RUNX1: variants seen among roughly 807,000 people sequenced by gnomAD.
The protein encoded by RUNX1 is runt-related transcription factor 1.
In RUNX1, 19 loss-of-function variants were observed where a neutral mutation model predicts 42.8. The observed-to-expected ratio is 0.44, with a 90% confidence interval of 0.31 to 0.65. The LOEUF (loss-of-function observed/expected upper bound fraction) is 0.65, where lower values mean the gene tolerates loss of function less well. RUNX1 is among the 30% of genes least tolerant of loss of function. RUNX1 has a pLI of 0.07. For missense variants in RUNX1, 528 were observed against 672.0 expected, an observed-to-expected ratio of 0.79 and a Z score of 2.37; for synonymous variants, 271 against 289.4, an observed-to-expected ratio of 0.94 and a Z score of 0.64.
At chr21:34,896,416 C>T (rs2058130486) in intron 2 of RUNX1, among the ~76,000 whole-genome samples, 1 of 152,166 alleles carries the variant, frequency 6.6e-6, no homozygotes, top group African/African-American at 2.4e-5. Context: ...GGCATGGTGG[C>T]TAACGCCTGT....
At chr21:34,991,406 A>AC (rs1025161101) in intron 2 of RUNX1, among the ~76,000 whole-genome samples, 5 of 151,840 alleles carry the variant, frequency 3.3e-5, no homozygotes, top group African/African-American at 1.2e-4. Flanking sequence ...CTTCTGTGTC[A>AC]CCCCCAGTGG....
chr21:34,973,452 T>A (rs993481938), intron 2 of RUNX1, among the ~76,000 whole-genome samples: 1 of 152,234 alleles, frequency 6.6e-6, no homozygotes, highest in Admixed American at 6.5e-5. Context: ...GAAATTTTTG[T>A]ATGTGAATTT....
rs112384789 is a variant in RUNX1 at position 34,979,915 on chromosome 21, C to T, written c.58+68927G>A. Among the ~76,000 whole-genome samples the T allele has an allele frequency of 7.2e-3, 1,103 of 152,236 alleles. 17 individuals carry two copies. Among genetic ancestry groups the T allele is most frequent in the African/African-American group, 0.025 (1,051 of 41,544 alleles). ...TCTGCCAGGTGGAGGGTGCTGGGTT[C>T]GTCTCAGTGGGCTCCAGAGCCAGGT... On this transcript the variant is annotated intron_variant, in intron 2 of 8. Transcript: ENST00000675419.
chr21:34,896,135 T>A (rs1163420043), intron 2 of RUNX1, among the ~76,000 whole-genome samples: 1 of 152,030 alleles, frequency 6.6e-6, no homozygotes, highest in Admixed American at 6.5e-5. Context: ...TAGGAGGTGC[T>A]GGTGGGGAAA....
intron 6 of RUNX1, among the ~76,000 whole-genome samples, chr21:34,852,428 T>C (rs1284986657): frequency 6.6e-6 from 1 of 152,152 alleles, no homozygotes; most frequent in Non-Finnish European, 1.5e-5. Context: ...CATGTAAAAT[T>C]CTTCTTCTTG....
intron 7 of RUNX1, chr21:34,821,386 A>G (rs2056906000): frequency 7.9e-7 from 1 of 1,261,506 alleles, no homozygotes; most frequent in South Asian, 3.0e-5. Context: ...AAGGATTAAT[A>G]AATACACACA....
At chr21:34,857,301 G>A (rs761156666) in intron 6 of RUNX1, among the ~76,000 whole-genome samples, 14 of 152,088 alleles carry the variant, frequency 9.2e-5, no homozygotes, top group Non-Finnish European at 1.3e-4. Flanking sequence ...AAACAGCAGG[G>A]GCAGAGTAAA....
In RUNX1 at chr21:34,843,272, C is replaced by A. The variant is rs1321511950; in HGVS notation, c.614-8671G>T. On this transcript the variant is annotated intron_variant, in intron 6 of 8. Transcript: ENST00000675419. The surrounding 1 kb of genome is among the most constrained non-coding windows in gnomAD (Gnocchi z 4.8). ...ATATAAATACACACAGACACATGTA[C>A]ATACGTCACACAGACACATATATTA... is the stretch of plus-strand genomic sequence containing the variant. 6.6e-6 allele frequency among the ~76,000 whole-genome samples: 1 copy of A among 151,986 alleles called. No individual in the cohort carries two copies. Among genetic ancestry groups the A allele is most frequent in the Non-Finnish European group, 1.5e-5 (1 of 67,982 alleles).
chr21:34,905,268 C>G (rs2058209537), intron 2 of RUNX1, among the ~76,000 whole-genome samples: 1 of 152,334 alleles, frequency 6.6e-6, no homozygotes, highest in African/African-American at 2.4e-5. Flanking sequence ...ATCTCGCTCA[C>G]AAGAGAATTC....
chr21:35,036,875 C>A (rs78663639), intron 2 of RUNX1, among the ~76,000 whole-genome samples: 2 of 152,140 alleles, frequency 1.3e-5, no homozygotes, highest in East Asian at 3.9e-4. Flanking sequence ...GCAAGCTTCA[C>A]GGAAAACCCT....
intron 2 of RUNX1, among the ~76,000 whole-genome samples, chr21:34,934,113 T>A (rs915573): frequency 3.9e-5 from 6 of 152,168 alleles, no homozygotes; most frequent in Non-Finnish European, 8.8e-5. Context: ...AGCTTTTCTG[T>A]GTATGTCCTG....
chr21:34,801,025 A>G (rs576289675), intron 7 of RUNX1, among the ~76,000 whole-genome samples: 1 of 152,276 alleles, frequency 6.6e-6, no homozygotes, highest in African/African-American at 2.4e-5. Context: ...CTTACAGCTA[A>G]CAGTGTTTCC....
chr21:34,787,802 A>T lies in RUNX1; in HGVS notation c.*4333T>A, dbSNP rs2056386771. 4.3e-6 allele frequency: 1 copy of T among 230,262 alleles called. No homozygotes were observed. Among genetic ancestry groups the T allele is most frequent in the African/African-American group, 2.2e-5 (1 of 45,132 alleles). The allele number at this position is 230,262 out of a possible 1,614,324, so 14.3% of individuals were successfully genotyped here. A position where few individuals can be genotyped will look rare whatever the true frequency, so the allele number is the denominator to read the frequency against. On this transcript the variant is annotated 3_prime_UTR_variant, in exon 9 of 9. Transcript: ENST00000675419. Reference sequence around the variant, plus strand: ...CAGAGAAAGACAAAACCAATTGGATATGGTGTATGTACTTGTCAAACTGTT... The same window carrying T: ...CAGAGAAAGACAAAACCAATTGGATTTGGTGTATGTACTTGTCAAACTGTT...
In RUNX1 at chr21:34,791,539, CAAGA is replaced by C. The variant is rs2056434799; in HGVS notation, c.*592_*595del. The C allele has an allele frequency of 4.3e-6, 1 of 230,214 alleles. No individual in the cohort carries two copies. The highest frequency in any genetic ancestry group is 2.2e-5 in the African/African-American group (1 of 45,014). The allele number at this position is 230,214 out of a possible 1,614,324, so 14.3% of individuals were successfully genotyped here. A position where few individuals can be genotyped will look rare whatever the true frequency, so the allele number is the denominator to read the frequency against. On this transcript the variant is annotated 3_prime_UTR_variant, in exon 9 of 9. Transcript: ENST00000675419. Reference sequence around the variant, plus strand: ...ATCATATTTCTTTCCATGGTCAAAGCAAGAAAGAAGCAAGCTCAATTTATATATA... The same window carrying C: ...ATCATATTTCTTTCCATGGTCAAAGCAAGAAGCAAGCTCAATTTATATATA...
At chr21:34,888,639 G>A (rs965898784) in intron 3 of RUNX1, 2 of 1,052,632 alleles carry the variant, frequency 1.9e-6, no homozygotes, top group African/African-American at 1.7e-5. Flanking sequence ...GTGGTGCCCT[G>A]GCTGGGTCCG....
intron 2 of RUNX1, among the ~76,000 whole-genome samples, chr21:34,928,209 G>A (rs2058410820): frequency 6.6e-6 from 1 of 152,146 alleles, no homozygotes; most frequent in East Asian, 1.9e-4. Context: ...CCACCACACT[G>A]GAGAGTGTAG....
chr21:34,940,587 C>G (rs16992540), intron 2 of RUNX1, among the ~76,000 whole-genome samples: 12,893 of 152,158 alleles, frequency 0.085, 778 homozygotes, highest in African/African-American at 0.17. Flanking sequence ...AATTTTCATC[C>G]TATGTGCTTT....
At chr21:34,949,163 T>C (rs191518542) in intron 2 of RUNX1, among the ~76,000 whole-genome samples, 199 of 152,308 alleles carry the variant, frequency 1.3e-3, no homozygotes, top group Non-Finnish European at 1.4e-3. Flanking sequence ...TGAACAGATG[T>C]GTGTGATGTT....
Position 34,789,852 on chromosome 21 carries a change from A to G in RUNX1, c.*2283T>C. On this transcript the variant is annotated 3_prime_UTR_variant, in exon 9 of 9. Coordinates refer to ENST00000675419, the MANE Select transcript of RUNX1 (RefSeq NM_001754.5). ...GTTTTGAGTTGGAATATCTTCAGTT[A>G]ACAGAATTAAACTGAAAAACATAAT... The G allele has an allele frequency of 4.3e-6, 1 of 233,258 alleles. No homozygotes were observed. Among genetic ancestry groups the G allele is most frequent in the Non-Finnish European group, 8.5e-6 (1 of 118,036 alleles). The allele number at this position is 233,258 out of a possible 1,614,324, so 14.4% of individuals were successfully genotyped here.
Sources: allele counts gnomAD v4.1 joint callset (sites outside exome capture counted in the v4.1 genomes callset), GRCh38; gene constraint gnomAD v4.1.1; non-coding constraint Gnocchi (gnomAD v3.1); transcripts MANE v1.5; gene names NCBI Gene and HGNC (gene_info 2026-07-23, HGNC 2026-07-21).